Variants in ABCC4 observed in about 807,000 individuals in gnomAD.
The protein encoded by ABCC4 is ATP-binding cassette sub-family C member 4.
ABCC4 carries 102 observed loss-of-function variants against 168.5 expected under a neutral mutation model. The observed-to-expected ratio is 0.61, with a 90% CI of 0.52 to 0.71. ABCC4 has a LOEUF of 0.71. Ranked by LOEUF, ABCC4 falls within the 30% of genes least tolerant of loss-of-function variation. The pLI is 0.00. For missense variants in ABCC4, 1,402 were observed against 1,605.8 expected (o/e 0.87, Z 2.17); for synonymous variants, 617 against 590.7 (o/e 1.04, Z -0.65).
chr13:95,295,971 A>AG (rs1318014348), intron 1 of ABCC4, among the ~76,000 whole-genome samples: 27 of 151,816 alleles, frequency 1.8e-4, no homozygotes, highest in Middle Eastern at 3.4e-3. Flanking sequence ...TCAAAAAAAA[A>AG]AAAAAAAAAC....
At chr13:95,136,676 A>G (rs560351152) in intron 19 of ABCC4, among the ~76,000 whole-genome samples, 1 of 152,224 alleles carries the variant, frequency 6.6e-6, no homozygotes, top group Admixed American at 6.5e-5. Context: ...AGGAAATTCC[A>G]CAGCCACACA....
chr13:95,037,357 A>G (rs922157657), intron 29 of ABCC4, among the ~76,000 whole-genome samples: 1 of 152,222 alleles, frequency 6.6e-6, no homozygotes, highest in Non-Finnish European at 1.5e-5. Context: ...CCCAAAATAG[A>G]ATGGATAAGG....
intron 10 of ABCC4, among the ~76,000 whole-genome samples, chr13:95,187,161 T>C (rs939694612): frequency 4.6e-5 from 7 of 152,230 alleles, no homozygotes; most frequent in Non-Finnish European, 8.8e-5. Flanking sequence ...AATGAAATGG[T>C]ACACGGAACA....
intron 1 of ABCC4, among the ~76,000 whole-genome samples, chr13:95,258,261 C>G (rs1039218140): frequency 3.9e-5 from 6 of 152,132 alleles, no homozygotes. Flanking sequence ...AGTAGAAAAA[C>G]AATGAAACTC....
intron 21 of ABCC4, among the ~76,000 whole-genome samples, chr13:95,081,679 T>C (rs539168966): frequency 6.6e-6 from 1 of 152,296 alleles, no homozygotes; most frequent in African/African-American, 2.4e-5. Flanking sequence ...TTCTACTTCA[T>C]GCAGACACTT....
At chr13:95,271,117 G>A (rs2040836600) in intron 1 of ABCC4, among the ~76,000 whole-genome samples, 1 of 152,158 alleles carries the variant, frequency 6.6e-6, no homozygotes, top group Non-Finnish European at 1.5e-5. Flanking sequence ...GTGGTCAAAT[G>A]ATAAGCAGTG....
At chr13:95,279,947 C>G (rs1381086714) in intron 1 of ABCC4, among the ~76,000 whole-genome samples, 1 of 152,104 alleles carries the variant, frequency 6.6e-6, no homozygotes, top group Non-Finnish European at 1.5e-5. Context: ...AAGGACCCAC[C>G]ACAACATCTC....
At chr13:95,022,614 A>G (rs1165584758) in intron 30 of ABCC4, among the ~76,000 whole-genome samples, 1 of 152,206 alleles carries the variant, frequency 6.6e-6, no homozygotes, top group East Asian at 1.9e-4. Context: ...AAGAATGTGA[A>G]AAGTTTTGTT....
At chr13:95,237,109 G>A (rs529389155) in intron 3 of ABCC4, among the ~76,000 whole-genome samples, 8 of 152,278 alleles carry the variant, frequency 5.3e-5, no homozygotes, top group African/African-American at 1.9e-4. Context: ...ACGGCAAGAG[G>A]GATGACCCCC....
intron 9 of ABCC4, among the ~76,000 whole-genome samples, chr13:95,188,861 T>C (rs989860152): frequency 1.3e-5 from 2 of 152,126 alleles, no homozygotes; most frequent in Non-Finnish European, 2.9e-5. Context: ...TGAAAACTCA[T>C]GCTAACTTAC....
intron 30 of ABCC4, among the ~76,000 whole-genome samples, chr13:95,025,177 A>C (rs75080423): frequency 0.1 from 13,876 of 134,588 alleles, 724 homozygotes; most frequent in Middle Eastern, 0.14. Context: ...ACACACACAC[A>C]CCCACACACA....
At position 95,074,234 on chromosome 13, in the gene ABCC4, C is replaced by A; in HGVS notation, c.2897G>T (p.Gly966Val). 1 of 1,613,666 alleles carries A rather than the reference C, an allele frequency of 6.2e-7. No homozygotes were observed. Among genetic ancestry groups the A allele is most frequent in the Non-Finnish European group, 8.5e-7 (1 of 1,179,856 alleles). ...CAMFVIIVAF[G>V]SLILAKTLDA... The stretch of plus-strand genomic sequence containing the variant: ...CTTACTTTTTGCCAGAATCAGGGAC[C>A]CAAAGGCAACGATGATGACAAACAT... Residue 966 changes from glycine to valine, a missense_variant, in exon 23 of 31, where the codon GGG (glycine) becomes GTG (valine). This residue lies in a region of ABCC4 where 1,007 missense variants were observed against 1,127.3 expected (regional missense o/e 0.89). Transcript: ENST00000645237.
At chr13:95,064,260 G>GTGTGTATATATATA (rs1269029410) in intron 25 of ABCC4, among the ~76,000 whole-genome samples, 1 of 21,506 alleles carries the variant, frequency 4.6e-5, no homozygotes, top group African/African-American at 2.2e-4. Context: ...GTGTGTGTGT[G>GTGTGTATATATATA]TATATATATA....
At chr13:95,163,390 CA>C (rs537250332) in intron 17 of ABCC4, among the ~76,000 whole-genome samples, 174 bp from the exon 18 acceptor site, 352 of 152,284 alleles carry the variant, frequency 2.3e-3, no homozygotes, top group African/African-American at 8.1e-3. Context: ...TCACAACTTT[CA>C]GTTCCCGAAA....
chr13:95,258,347 G>C (rs765090866), intron 1 of ABCC4, among the ~76,000 whole-genome samples: 1 of 152,116 alleles, frequency 6.6e-6, no homozygotes, highest in Non-Finnish European at 1.5e-5. Context: ...GTTTCTGACA[G>C]TCTCCCACAT....
At chr13:95,222,041 A>G (rs1427267502) in intron 4 of ABCC4, among the ~76,000 whole-genome samples, 1 of 152,176 alleles carries the variant, frequency 6.6e-6, no homozygotes, top group African/African-American at 2.4e-5. Context: ...TGGCCCCAGG[A>G]TTGGGGTTTT....
intron 19 of ABCC4, among the ~76,000 whole-genome samples, chr13:95,126,640 A>G (rs1385780315): frequency 6.7e-6 from 1 of 148,334 alleles, no homozygotes; most frequent in Non-Finnish European, 1.5e-5. Context: ...CATCATTTTA[A>G]TATCTGGGAA....
chr13:95,191,141 C>T (rs940556790), intron 9 of ABCC4, among the ~76,000 whole-genome samples: 1 of 152,196 alleles, frequency 6.6e-6, no homozygotes, highest in African/African-American at 2.4e-5. Context: ...CTCAAGCGGG[C>T]ATGTGCAATT....
chr13:95,178,739 G>A (rs1359144173), intron 11 of ABCC4, among the ~76,000 whole-genome samples: 1 of 152,212 alleles, frequency 6.6e-6, no homozygotes, highest in African/African-American at 2.4e-5. Flanking sequence ...AGAGGCAAGA[G>A]AAGCCAAGGG....
Sources: gnomAD v4.1 joint callset for allele counts (sites outside exome capture counted in the v4.1 genomes callset) on GRCh38, gnomAD v4.1.1 for gene constraint, gnomAD v4.1.1 regional missense constraint, MANE v1.5 for transcripts, NCBI Gene and HGNC (gene_info 2026-07-23, HGNC 2026-07-21) for gene names.